The following ACCS variants were observed in gnomAD, a reference collection of about 807,000 sequenced individuals.
ACCS encodes 1-aminocyclopropane-1-carboxylate synthase-like protein 1.
In ACCS, 42 loss-of-function variants were observed where a neutral mutation model predicts 59.8. The ratio of observed to expected loss-of-function variants is 0.70; its 90% confidence interval spans 0.55 to 0.91. The LOEUF (loss-of-function observed/expected upper bound fraction) is 0.91. ACCS is among the 40% of genes least tolerant of loss of function. The pLI is 0.00. For synonymous variants in ACCS, 230 were observed against 240.3 expected, an observed-to-expected ratio of 0.96 and a Z score of 0.40; for missense variants, 602 against 630.4, an observed-to-expected ratio of 0.95 and a Z score of 0.48.
intron 3 of ACCS, chr11:44,072,552 T>G (rs890348576): frequency 2.6e-5 from 4 of 152,290 alleles, no homozygotes; most frequent in African/African-American, 9.6e-5. Flanking sequence ...TATATCAATT[T>G]AAATTTTCTA....
chr11:44,070,646 C>T (rs543346345), intron 2 of ACCS, among the ~76,000 whole-genome samples: 24 of 152,262 alleles, frequency 1.6e-4, no homozygotes, highest in African/African-American at 5.3e-4. Flanking sequence ...GCCTGCCTGC[C>T]TATCCTATGA....
chr11:44,074,176 G>T (rs891357055), intron 4 of ACCS, among the ~76,000 whole-genome samples: 1 of 152,032 alleles, frequency 6.6e-6, no homozygotes, highest in Non-Finnish European at 1.5e-5. Context: ...TTCTTTGCCT[G>T]TACAATGGGA....
At chr11:44,073,545 T>TC in intron 4 of ACCS, 28 bp downstream of exon 4, 1 of 1,583,434 alleles carries the variant, frequency 6.3e-7, no homozygotes, top group Non-Finnish European at 8.6e-7. Flanking sequence ...GGTGAGTTTG[T>TC]CCCCCTGGGG....
intron 8 of ACCS, chr11:44,078,276 C>A: frequency 3.0e-6 from 1 of 328,418 alleles, no homozygotes; most frequent in Non-Finnish European, 5.5e-6. Context: ...GGCAACCTTG[C>A]TCACTGTGGG....
intron 7 of ACCS, 130 bp from the exon 8 acceptor site, chr11:44,077,715 A>G: frequency 2.7e-6 from 4 of 1,467,170 alleles, no homozygotes; most frequent in Non-Finnish European, 3.6e-6. Flanking sequence ...GAGGGACCCC[A>G]CCTGCTTTTC....
chr11:44,083,385 G>C, intron 13 of ACCS, 39 bp from the exon 14 acceptor site: 2 of 1,613,056 alleles, frequency 1.2e-6, no homozygotes, highest in Non-Finnish European at 8.5e-7. Flanking sequence ...AGTTGGTGAG[G>C]GGTCTCAGCT....
intron 10 of ACCS, among the ~76,000 whole-genome samples, chr11:44,079,904 C>T (rs1293967866): frequency 1.3e-5 from 2 of 152,210 alleles, no homozygotes; most frequent in Non-Finnish European, 2.9e-5. Flanking sequence ...GTTTCCTTTA[C>T]CTCCAGAGTC....
rs368035781 is a variant in ACCS at position 44,083,183 on chromosome 11, G to C, written c.1126G>C (p.Val376Leu). ...LLRDRDWINQ[V>L]YLPENHARLK... ...CACCCAAACAGACTGGATCAACCAG[G>C]TGTACCTGCCGGAAAACCATGCCCG... The change falls in exon 13 of 15, where the codon GTG becomes CTG. Residue 376 changes from valine to leucine, a missense_variant. Coordinates refer to ENST00000263776, the MANE Select transcript of ACCS (RefSeq NM_032592.4). 31 of 1,614,052 alleles carry C rather than the reference G, an allele frequency of 1.9e-5. No individual in the cohort carries two copies. In the African/African-American group the frequency reaches 3.6e-4, roughly 19 times the overall value.
intron 3 of ACCS, 107 bp from the exon 4 acceptor site, chr11:44,073,340 G>A (rs753924054): frequency 3.3e-5 from 30 of 904,290 alleles, no homozygotes; most frequent in Admixed American, 6.0e-5. Context: ...TGCCCCTCTC[G>A]CAGTTTCTCT....
chr11:44,076,219 GA>G (rs1233202530), intron 6 of ACCS, among the ~76,000 whole-genome samples: 1 of 152,224 alleles, frequency 6.6e-6, no homozygotes, highest in African/African-American at 2.4e-5. Context: ...GTTGTTTTAA[GA>G]ATCAGTTGTG....
intron 1 of ACCS, chr11:44,067,114 C>G (rs1952826015): frequency 6.4e-6 from 1 of 156,788 alleles, no homozygotes; most frequent in Non-Finnish European, 1.4e-5. Flanking sequence ...GGCCCTGGAG[C>G]TCTGCCTGGG....
At position 44,083,523 on chromosome 11, in the gene ACCS, G is replaced by C. The variant is rs752589278; in HGVS notation, c.1354G>C (p.Glu452Gln). Reference sequence around the variant, plus strand: ...CTTTGGCAAGGCCTTCGAGTGTAAAGAGCCTGGTTGGTTTCGCTTTGTCTT... The same window carrying C: ...CTTTGGCAAGGCCTTCGAGTGTAAACAGCCTGGTTGGTTTCGCTTTGTCTT... ...LSFGKAFECKEPGWFRFVFSD... is the reference protein window; with the variant it reads ...LSFGKAFECKQPGWFRFVFSD... The change falls in exon 14 of 15, where the codon GAG (glutamate) becomes CAG (glutamine). Residue 452 changes from glutamate (E) to glutamine (Q), a missense_variant. Physicochemically the swap from Glu to Gln is conservative, Grantham distance 29. Transcript: ENST00000263776. 9.9e-6 allele frequency: 16 copies of C among 1,614,274 alleles called. No individual in the cohort carries two copies. Among genetic ancestry groups the C allele is most frequent in the Non-Finnish European group, 1.3e-5 (15 of 1,180,054 alleles).
intron 8 of ACCS, 164 bp downstream of exon 8, chr11:44,078,086 A>G (rs1953463704): frequency 1.1e-6 from 1 of 909,882 alleles, no homozygotes; most frequent in Non-Finnish European, 1.6e-6. Context: ...GTCAGGCAGA[A>G]CCCTGCCCAG....
chr11:44,071,661 A>G (rs911505054), intron 3 of ACCS: 3 of 218,808 alleles, frequency 1.4e-5, no homozygotes, highest in East Asian at 1.0e-4. Flanking sequence ...AGTTTTGCCA[A>G]TTTCCGTAGT....
rs1044133628 is a variant in ACCS, at chr11:44,067,830, G to A, written c.203G>A (p.Arg68Lys). 1 of 1,614,136 alleles carries A rather than the reference G, an allele frequency of 6.2e-7. No individual in the cohort carries two copies. The highest frequency in any genetic ancestry group is 1.7e-5 in the Admixed American group (1 of 60,020). Reference sequence around the variant, plus strand: ...ACCTCCTACCTGTCCTCTAGAGGAAGAATGATTAAATGGTTCTGGGATTCA... The same window carrying A: ...ACCTCCTACCTGTCCTCTAGAGGAAAAATGATTAAATGGTTCTGGGATTCA... The part of the protein sequence containing the change: ...SDTSYLSSRG[R>K]MIKWFWDSAE... The change falls in exon 2 of 15, where the codon AGA becomes AAA. Residue 68 changes from arginine (R) to lysine (K), a missense_variant. By Grantham distance (26) the Arg-to-Lys change is conservative (BLOSUM62 2). Transcript: ENST00000263776.
intron 6 of ACCS, among the ~76,000 whole-genome samples, chr11:44,077,042 G>C (rs555364014): frequency 6.6e-6 from 1 of 152,182 alleles, no homozygotes; most frequent in African/African-American, 2.4e-5. Flanking sequence ...TGACGCAGGG[G>C]AATTATGGGA....
At chr11:44,074,464 A>C in intron 4 of ACCS, 148 bp from the exon 5 acceptor site, 1 of 670,722 alleles carries the variant, frequency 1.5e-6, no homozygotes, top group South Asian at 1.9e-5. Context: ...GGTGGGTGCT[A>C]AGGAGTGGAG....
At chr11:44,075,754 TCAG>T in intron 6 of ACCS, 162 bp downstream of exon 6, 2 of 773,490 alleles carry the variant, frequency 2.6e-6, no homozygotes, top group Non-Finnish European at 4.0e-6. Flanking sequence ...CACCCGGGGG[TCAG>T]CAGTTCCAGG....
intron 5 of ACCS, 64 bp from the exon 6 acceptor site, chr11:44,075,462 G>T: frequency 6.4e-7 from 1 of 1,554,874 alleles, no homozygotes. Context: ...GTCCTGGGAG[G>T]CTGCGGGTCC....
Sources: allele counts gnomAD v4.1 joint callset (sites outside exome capture counted in the v4.1 genomes callset), GRCh38; gene constraint gnomAD v4.1.1; transcripts MANE v1.5; gene names NCBI Gene and HGNC (gene_info 2026-07-23, HGNC 2026-07-21).